Variants in PCSK5 observed in about 807,000 individuals in gnomAD.
The protein encoded by PCSK5 is prohormone convertase 5.
Under a neutral mutation model 233.2 loss-of-function variants are expected in PCSK5, and 129 were observed. The ratio of observed to expected loss-of-function variants is 0.55; its 90% CI spans 0.48 to 0.64. PCSK5 has a LOEUF of 0.64. PCSK5 is among the 30% of genes least tolerant of loss of function. The pLI, the probability that PCSK5 is intolerant of heterozygous loss-of-function variation, is 0.00. For missense variants in PCSK5, 2,076 were observed against 2,430.1 expected (o/e 0.85, Z 3.06); for synonymous variants, 825 against 879.2 (o/e 0.94, Z 1.09).
intron 30 of PCSK5, among the ~76,000 whole-genome samples, chr9:76,311,155 C>T (rs1828854935): frequency 6.6e-6 from 1 of 152,008 alleles, no homozygotes; most frequent in Non-Finnish European, 1.5e-5. Context: ...GCAGAAGGAT[C>T]GCTAGGAATT....
chr9:76,090,644 G>A (rs117282343), intron 7 of PCSK5, among the ~76,000 whole-genome samples: 2,971 of 152,292 alleles, frequency 0.02, 47 homozygotes, highest in Non-Finnish European at 0.033. Context: ...TAACAAAACA[G>A]CACAGACTGG....
chr9:76,321,295 C>A, intron 30 of PCSK5, 127 bp from the exon 31 acceptor site: 1 of 611,758 alleles, frequency 1.6e-6, no homozygotes, highest in Non-Finnish European at 2.9e-6. Flanking sequence ...TTATAAATCC[C>A]ATGGATGCCT....
intron 2 of PCSK5, among the ~76,000 whole-genome samples, chr9:75,946,158 A>G (rs571725551): frequency 6.6e-6 from 1 of 152,250 alleles, no homozygotes; most frequent in Non-Finnish European, 1.5e-5. Flanking sequence ...GATAAGTGAT[A>G]GAGGCAATAA....
chr9:76,137,251 G>A (rs927507651), intron 10 of PCSK5, among the ~76,000 whole-genome samples: 1 of 152,026 alleles, frequency 6.6e-6, no homozygotes, highest in Admixed American at 6.6e-5. Flanking sequence ...CTCTGAGAGT[G>A]GGGTTACCCT....
chr9:76,266,449 T>C (rs1222978196), intron 24 of PCSK5, among the ~76,000 whole-genome samples: 3 of 152,198 alleles, frequency 2.0e-5, no homozygotes, highest in Non-Finnish European at 4.4e-5. Context: ...GTGTGCCTAT[T>C]TAATTCCCAT....
chr9:76,356,119 T>C (rs1830296712), intron 37 of PCSK5, among the ~76,000 whole-genome samples: 1 of 152,208 alleles, frequency 6.6e-6, no homozygotes, highest in Non-Finnish European at 1.5e-5. Flanking sequence ...CACACCTACA[T>C]TCAGGGTCTG....
intron 20 of PCSK5, among the ~76,000 whole-genome samples, chr9:76,204,576 C>T (rs552778095): frequency 3.9e-5 from 6 of 151,984 alleles, no homozygotes; most frequent in Non-Finnish European, 8.8e-5. Flanking sequence ...AGACATGGTT[C>T]CCTAAGGCTA....
At chr9:76,027,144 C>A in intron 5 of PCSK5, 107 bp downstream of exon 5, 1 of 651,588 alleles carries the variant, frequency 1.5e-6, no homozygotes, top group East Asian at 2.9e-5. Context: ...CATATGATTG[C>A]TAATTTGCTC....
intron 24 of PCSK5, among the ~76,000 whole-genome samples, chr9:76,262,522 G>C (rs1270693530): frequency 6.7e-6 from 1 of 148,204 alleles, no homozygotes; most frequent in Non-Finnish European, 1.5e-5. Context: ...AACAAACAAT[G>C]GGGAAAGGAT....
chr9:76,171,252 G>T (rs1281021387), intron 13 of PCSK5, among the ~76,000 whole-genome samples: 1 of 151,962 alleles, frequency 6.6e-6, no homozygotes, highest in Admixed American at 6.6e-5. Context: ...CATGCTTATT[G>T]CCCTGCCATG....
chr9:76,186,446 T>G (rs1824106715), intron 17 of PCSK5, among the ~76,000 whole-genome samples: 1 of 152,190 alleles, frequency 6.6e-6, no homozygotes, highest in Admixed American at 6.5e-5. Flanking sequence ...ATAGCCACCT[T>G]TCGAGGTCTC....
At chr9:75,911,904 T>G (rs546049255) in intron 1 of PCSK5, among the ~76,000 whole-genome samples, 1 of 152,236 alleles carries the variant, frequency 6.6e-6, no homozygotes. Flanking sequence ...CCAAGTCATA[T>G]GACCAAGCCT....
intron 30 of PCSK5, among the ~76,000 whole-genome samples, chr9:76,314,840 C>T (rs1431061919): frequency 6.6e-6 from 1 of 152,042 alleles, no homozygotes; most frequent in South Asian, 2.1e-4. Flanking sequence ...GGGGTTTCAC[C>T]GTGTTGGCCA....
At chr9:76,037,756 G>A (rs1828922961) in intron 5 of PCSK5, among the ~76,000 whole-genome samples, 1 of 152,098 alleles carries the variant, frequency 6.6e-6, no homozygotes, top group African/African-American at 2.4e-5. Flanking sequence ...GGGATAGTGA[G>A]GTTGTGTCGT....
At chr9:76,312,629 A>G (rs113078715) in intron 30 of PCSK5, among the ~76,000 whole-genome samples, 3 of 152,328 alleles carry the variant, frequency 2.0e-5, no homozygotes, top group African/African-American at 7.2e-5. Context: ...AATATAGAGT[A>G]TAAATATAAG....
intron 2 of PCSK5, among the ~76,000 whole-genome samples, chr9:75,970,622 A>C (rs975435367): frequency 6.6e-6 from 1 of 151,884 alleles, no homozygotes; most frequent in Non-Finnish European, 1.5e-5. Flanking sequence ...ACTTTATTTT[A>C]TTTATTTATT....
rs771011461 is a variant in PCSK5, at chr9:75,932,443, C to G, written c.257C>G (p.Ser86Trp). Residue 86 changes from serine (S) to tryptophan (W), a missense_variant, in exon 2 of 38, where the codon TCG becomes TGG. By Grantham distance (177) the Ser-to-Trp change is radical. Around this residue, in one of 6 missense-constraint regions of PCSK5, gnomAD observed 190 missense variants for 216.3 expected, o/e 0.88. Coordinates refer to ENST00000674117, the MANE Select transcript of PCSK5 (RefSeq NM_001372043.1). ...AGGACGATTAAAAGGTCAGTTATCT[C>G]GAGCAGAGGGACCCACAGTTTCATT... The part of the protein sequence containing the change: ...HSRTIKRSVI[S>W]SRGTHSFISM... 3 of 1,613,030 alleles carry G rather than the reference C, an allele frequency of 1.9e-6. No homozygotes were observed. The highest frequency in any genetic ancestry group is 8.5e-7 in the Non-Finnish European group (1 of 1,179,084).
At chr9:76,347,829 G>A (rs369867137) in intron 35 of PCSK5, among the ~76,000 whole-genome samples, 39 of 151,300 alleles carry the variant, frequency 2.6e-4, no homozygotes, top group African/African-American at 8.7e-4. Context: ...ACCTAACCTA[G>A]TTATGGACTG....
chr9:76,254,185 G>A (rs1429546829), intron 24 of PCSK5, among the ~76,000 whole-genome samples: 2 of 152,188 alleles, frequency 1.3e-5, no homozygotes, highest in Non-Finnish European at 1.5e-5. Context: ...TGGGATCAGA[G>A]AGTGGGGAGG....
Sources: gnomAD v4.1 joint callset for allele counts (sites outside exome capture counted in the v4.1 genomes callset) on GRCh38, gnomAD v4.1.1 for gene constraint, gnomAD v4.1.1 regional missense constraint, MANE v1.5 for transcripts, NCBI Gene and HGNC (gene_info 2026-07-23, HGNC 2026-07-21) for gene names.